Variants in UST observed in about 807,000 individuals in gnomAD.
UST encodes the protein chondroitin sulfate 2-O-sulfotransferase.
In UST, 21 loss-of-function variants were observed where a neutral mutation model predicts 45.6. The ratio of observed to expected loss-of-function variants is 0.46; its 90% CI spans 0.33 to 0.66. The LOEUF (loss-of-function observed/expected upper bound fraction) is 0.66. Among genes scored for constraint, UST ranks in the 30% least tolerant of loss-of-function variants. The pLI is 0.02. For missense variants in UST, 463 were observed against 512.4 expected, an observed-to-expected ratio of 0.90 and a Z score of 0.93; for synonymous variants, 215 against 200.6, an observed-to-expected ratio of 1.07 and a Z score of -0.61.
At chr6:148,935,559 CTT>C (rs1780008497) in intron 2 of UST, among the ~76,000 whole-genome samples, 2 of 152,156 alleles carry the variant, frequency 1.3e-5, no homozygotes, top group Admixed American at 6.6e-5. Flanking sequence ...CTTTAAAAGT[CTT>C]TTCACAGTGA....
intron 7 of UST, among the ~76,000 whole-genome samples, chr6:149,067,398 C>G (rs1776747620): frequency 6.6e-6 from 1 of 152,168 alleles, no homozygotes; most frequent in Non-Finnish European, 1.5e-5. Context: ...TATCGCCATA[C>G]CAAGTTGCCA....
intron 2 of UST, among the ~76,000 whole-genome samples, chr6:148,917,546 G>A (rs1193398053): frequency 1.3e-5 from 2 of 152,256 alleles, no homozygotes; most frequent in African/African-American, 4.8e-5. Flanking sequence ...ACCTGAGAGT[G>A]TGATTCTGTG....
chr6:148,820,968 CTTTTTTTTT>C lies in UST; in HGVS notation c.248-66007_248-65999del, dbSNP rs71007920. On this transcript the variant is annotated intron_variant, in intron 1 of 7. Transcript: ENST00000367463. ...GTCATGTAGTATTTTTTTTTAATTCCTTTTTTTTTTTTTTTTTTTGAGACGGAGTCTTAC... is the reference window on the plus strand; with the variant it reads ...GTCATGTAGTATTTTTTTTTAATTCCTTTTTTTTTTGAGACGGAGTCTTAC... Among the ~76,000 whole-genome samples the C allele has an allele frequency of 3.3e-5, 3 of 91,188 alleles. No individual in the cohort carries two copies. The Admixed American group carries it at 4.8e-4, about 14-fold the overall frequency. The allele number at this position is 91,188 out of a possible 152,430, so 59.8% of individuals were successfully genotyped here.
At chr6:148,798,855 T>G (rs1289770760) in intron 1 of UST, among the ~76,000 whole-genome samples, 1 of 50,318 alleles carries the variant, frequency 2.0e-5, no homozygotes, top group Non-Finnish European at 3.8e-5. Flanking sequence ...AGATAGGATT[T>G]ATTTATTTAT....
At chr6:148,771,515 C>G (rs1776426795) in intron 1 of UST, among the ~76,000 whole-genome samples, 1 of 152,154 alleles carries the variant, frequency 6.6e-6, no homozygotes, top group Non-Finnish European at 1.5e-5. Flanking sequence ...GTTTCTACAT[C>G]TTTAATTTTG....
intron 3 of UST, among the ~76,000 whole-genome samples, chr6:148,950,838 A>T (rs991693706): frequency 6.6e-6 from 1 of 152,124 alleles, no homozygotes; most frequent in Admixed American, 6.5e-5. Context: ...CACCTCACCC[A>T]CAAGACTCTG....
In UST at chr6:148,866,139, AATATTTAGTGATAACTAAAT is replaced by A. The variant is rs1227917197; in HGVS notation, c.248-20825_248-20806del. ...TGACAATATTGATTATTTTATAATC[AATATTTAGTGATAACTAAAT>A]ATATTTAGTGATAACTAAATAAATT... On this transcript the variant is annotated intron_variant, in intron 1 of 7. Transcript: ENST00000367463. Among the ~76,000 whole-genome samples, 377 of 141,380 alleles carry A rather than the reference AATATTTAGTGATAACTAAAT, an allele frequency of 2.7e-3. 1 individual carries two copies. Among genetic ancestry groups the A allele is most frequent in the African/African-American group, 8.7e-3 (328 of 37,610 alleles). The allele number at this position is 141,380 out of a possible 152,430, so 92.8% of individuals were successfully genotyped here. A position where few individuals can be genotyped will look rare whatever the true frequency, so the allele number is the denominator to read the frequency against.
chr6:148,787,056 G>A (rs1453870294), intron 1 of UST, among the ~76,000 whole-genome samples: 2 of 151,924 alleles, frequency 1.3e-5, no homozygotes, highest in African/African-American at 2.4e-5. Flanking sequence ...TTTTAATGGG[G>A]TTGTTTTTTT....
rs554881731 is a variant in UST at position 149,071,638 on chromosome 6, A to C, written c.938-2195A>C. On this transcript the variant is annotated intron_variant, in intron 7 of 7. Coordinates refer to ENST00000367463, the MANE Select transcript of UST (RefSeq NM_005715.3). ...GGATAAAATAGTCTTCATTAAAATTAAAAACTTTTATGCATCAAAGAACAC... is the reference window on the plus strand; with the variant it reads ...GGATAAAATAGTCTTCATTAAAATTCAAAACTTTTATGCATCAAAGAACAC... Among the ~76,000 whole-genome samples, 40 of 152,300 alleles carry C rather than the reference A, an allele frequency of 2.6e-4. 1 individual carries two copies. The highest frequency in any genetic ancestry group is 2.4e-3 in the Admixed American group (36 of 15,300).
At chr6:148,985,234 C>T (rs1215668500) in intron 5 of UST, among the ~76,000 whole-genome samples, 2 of 152,106 alleles carry the variant, frequency 1.3e-5, no homozygotes, top group East Asian at 3.8e-4. Flanking sequence ...CTAAAATATT[C>T]TGTGAAGGTT....
At chr6:148,874,722 G>A (rs917276005) in intron 1 of UST, among the ~76,000 whole-genome samples, 2 of 152,200 alleles carry the variant, frequency 1.3e-5, no homozygotes, top group Non-Finnish European at 2.9e-5. Flanking sequence ...TCATCACAGT[G>A]TTTTGGGGCT....
chr6:149,066,889 C>T (rs1421391890), intron 7 of UST, among the ~76,000 whole-genome samples: 1 of 152,038 alleles, frequency 6.6e-6, no homozygotes, highest in Non-Finnish European at 1.5e-5. Flanking sequence ...AGTGAGCCAC[C>T]ACTGCACTCT....
intron 2 of UST, among the ~76,000 whole-genome samples, chr6:148,907,902 CTTTTTTTTTTTTTT>C (rs67488239): frequency 1.5e-5 from 1 of 68,176 alleles, no homozygotes; most frequent in Non-Finnish European, 2.5e-5. Context: ...GTTTCCAGGG[CTTTTTTTTTTTTTT>C]TTTTTTTTTT....
intron 2 of UST, among the ~76,000 whole-genome samples, chr6:148,900,797 C>T (rs757094407): frequency 3.3e-5 from 5 of 152,216 alleles, no homozygotes; most frequent in African/African-American, 7.2e-5. Context: ...TGAAATGGGT[C>T]TCACTGGGCT....
At chr6:148,906,529 C>T (rs912053547) in intron 2 of UST, among the ~76,000 whole-genome samples, 8 of 152,152 alleles carry the variant, frequency 5.3e-5, no homozygotes, top group Non-Finnish European at 1.0e-4. Context: ...TTCAGATACA[C>T]AATGGTCACT....
intron 7 of UST, among the ~76,000 whole-genome samples, chr6:149,047,084 A>G (rs1776407449): frequency 6.6e-6 from 1 of 152,202 alleles, no homozygotes; most frequent in South Asian, 2.1e-4. Context: ...TCGAGGTCAC[A>G]TGAAGTTGAG....
At chr6:148,892,808 T>C (rs938428692) in intron 2 of UST, among the ~76,000 whole-genome samples, 1 of 152,178 alleles carries the variant, frequency 6.6e-6, no homozygotes, top group African/African-American at 2.4e-5. Context: ...AACTGGTGGG[T>C]AATTGTTCCT....
intron 2 of UST, among the ~76,000 whole-genome samples, chr6:148,924,957 A>G (rs906756788): frequency 2.6e-5 from 4 of 152,168 alleles, no homozygotes; most frequent in Non-Finnish European, 5.9e-5. Context: ...TTTTCAAAGA[A>G]TTTCTTGTCT....
intron 2 of UST, among the ~76,000 whole-genome samples, chr6:148,894,411 A>G (rs1779079352): frequency 6.6e-6 from 1 of 152,188 alleles, no homozygotes; most frequent in African/African-American, 2.4e-5. Flanking sequence ...GGACACAGAG[A>G]TAGAGACCCA....
Sources: allele counts gnomAD v4.1 joint callset (sites outside exome capture counted in the v4.1 genomes callset), GRCh38; gene constraint gnomAD v4.1.1; transcripts MANE v1.5; gene names NCBI Gene and HGNC (gene_info 2026-07-23, HGNC 2026-07-21).